The following CNTN4 variants were observed in gnomAD, a reference collection of about 807,000 sequenced individuals.
CNTN4 encodes contactin 4.
A neutral mutation model predicts 122.5 loss-of-function variants in CNTN4; 77 were observed. The observed-to-expected ratio is 0.63, with a 90% confidence interval of 0.52 to 0.76. The LOEUF is 0.76. CNTN4 is among the 30% of genes least tolerant of loss of function. The probability of loss-of-function intolerance (pLI) is 0.00; values close to 1 mark genes in which losing one functional copy is unlikely to be tolerated. For missense variants in CNTN4, 1,256 were observed against 1,259.1 expected, an observed-to-expected ratio of 1.00 and a Z score of 0.04; for synonymous variants, 512 against 447.0, an observed-to-expected ratio of 1.15 and a Z score of -1.83.
At chr3:2,924,840 C>T (rs1439176662) in intron 12 of CNTN4, among the ~76,000 whole-genome samples, 1 of 152,062 alleles carries the variant, frequency 6.6e-6, no homozygotes, top group Admixed American at 6.5e-5. Flanking sequence ...ACAATAGAGA[C>T]AGTTCAGCAT....
At chr3:2,196,284 GTGTT>G (rs1380482153) in intron 2 of CNTN4, among the ~76,000 whole-genome samples, 1 of 152,196 alleles carries the variant, frequency 6.6e-6, no homozygotes, top group Non-Finnish European at 1.5e-5. Context: ...TGGTGTGAGA[GTGTT>G]TGTTGACATG....
intron 4 of CNTN4, among the ~76,000 whole-genome samples, chr3:2,581,535 G>C (rs2079935937): frequency 6.6e-6 from 1 of 152,084 alleles, no homozygotes; most frequent in Admixed American, 6.6e-5. Context: ...CAAAGAATAA[G>C]GTAAATACTG....
chr3:2,666,026 G>A (rs1249203359), intron 4 of CNTN4, among the ~76,000 whole-genome samples: 1 of 152,182 alleles, frequency 6.6e-6, no homozygotes, highest in Non-Finnish European at 1.5e-5. Flanking sequence ...AATGGGCGAA[G>A]ATATCTGACC....
intron 3 of CNTN4, among the ~76,000 whole-genome samples, chr3:2,428,221 T>C (rs1018126666): frequency 6.6e-6 from 1 of 152,202 alleles, no homozygotes; most frequent in African/African-American, 2.4e-5. Context: ...GGTTGTTGCT[T>C]TCCATGTTTA....
chr3:2,627,558 A>C (rs989373121), intron 4 of CNTN4, among the ~76,000 whole-genome samples: 48 of 149,176 alleles, frequency 3.2e-4, no homozygotes, highest in Middle Eastern at 3.6e-3. Flanking sequence ...TAGTAGCGCA[A>C]TCTCGGCTCA....
chr3:2,296,233 A>T (rs1361678569), intron 2 of CNTN4, among the ~76,000 whole-genome samples: 2 of 152,138 alleles, frequency 1.3e-5, no homozygotes, highest in Non-Finnish European at 2.9e-5. Context: ...TGGTAGCTTG[A>T]TGGGGATGGC....
chr3:3,010,356 G>A (rs918455377), intron 14 of CNTN4, among the ~76,000 whole-genome samples: 1 of 151,764 alleles, frequency 6.6e-6, no homozygotes, highest in African/African-American at 2.4e-5. Context: ...TTTCCCCACT[G>A]CCAGTTTAGG....
At chr3:2,219,550 C>T (rs2038979150) in intron 2 of CNTN4, among the ~76,000 whole-genome samples, 1 of 152,174 alleles carries the variant, frequency 6.6e-6, no homozygotes. Flanking sequence ...GATTACCAAA[C>T]AACCTCTCCT....
chr3:2,994,594 C>CATATATATATATATATAT lies in CNTN4; in HGVS notation c.1486+6125_1486+6142dup, dbSNP rs35069373. On this transcript the variant is annotated intron_variant, in intron 14 of 24. Transcript: ENST00000418658. ...TTATGTTTAAATCAACAGATTTTTT[C>CATATATATATATATATAT]ATATATATATATATATATATGTGTG... Among the ~76,000 whole-genome samples the CATATATATATATATATAT allele has an allele frequency of 2.1e-3, 299 of 144,620 alleles. 2 individuals are homozygous for CATATATATATATATATAT. Among genetic ancestry groups the CATATATATATATATATAT allele is most frequent in the African/African-American group, 3.5e-3 (139 of 39,302 alleles). The allele number at this position is 144,620 out of a possible 152,430, so 94.9% of individuals were successfully genotyped here.
chr3:2,979,419 C>G (rs549733375), intron 13 of CNTN4, among the ~76,000 whole-genome samples: 1 of 152,248 alleles, frequency 6.6e-6, no homozygotes, highest in African/African-American at 2.4e-5. Context: ...AAAAATGGGG[C>G]TACTTGGTGA....
chr3:2,560,539 T>G (rs573080039), intron 3 of CNTN4, among the ~76,000 whole-genome samples: 17 of 152,336 alleles, frequency 1.1e-4, no homozygotes, highest in Middle Eastern at 3.4e-3. Flanking sequence ...ACCATTTTAC[T>G]TGTGTTATCT....
chr3:2,842,754 T>C (rs2093385865), intron 7 of CNTN4, among the ~76,000 whole-genome samples: 1 of 152,230 alleles, frequency 6.6e-6, no homozygotes, highest in Non-Finnish European at 1.5e-5. Flanking sequence ...AGCTGCTCTC[T>C]CTAAACTTCT....
chr3:2,137,995 C>A (rs1297846055), intron 2 of CNTN4, among the ~76,000 whole-genome samples: 1 of 152,018 alleles, frequency 6.6e-6, no homozygotes, highest in African/African-American at 2.4e-5. Context: ...TGCAAAGAGG[C>A]TGGGAAAGTA....
At chr3:2,885,372 T>G (rs2093960808) in intron 9 of CNTN4, among the ~76,000 whole-genome samples, 1 of 152,140 alleles carries the variant, frequency 6.6e-6, no homozygotes, top group Admixed American at 6.5e-5. Flanking sequence ...GATGGCATCT[T>G]TCTTTCTCTC....
At chr3:2,344,433 C>T (rs2044325747) in intron 3 of CNTN4, among the ~76,000 whole-genome samples, 1 of 152,108 alleles carries the variant, frequency 6.6e-6, no homozygotes, top group Non-Finnish European at 1.5e-5. Context: ...GCGTCTGCCA[C>T]CGCACCCAGC....
At chr3:2,590,216 A>T (rs1283229508) in intron 4 of CNTN4, among the ~76,000 whole-genome samples, 1 of 152,066 alleles carries the variant, frequency 6.6e-6, no homozygotes, top group East Asian at 1.9e-4. Flanking sequence ...ATCCCAAGTG[A>T]TCATTTGAAA....
At chr3:2,220,571 G>A (rs2039023046) in intron 2 of CNTN4, among the ~76,000 whole-genome samples, 1 of 152,042 alleles carries the variant, frequency 6.6e-6, no homozygotes, top group Non-Finnish European at 1.5e-5. Flanking sequence ...TCAGTTCTAT[G>A]TTACCTCCTT....
chr3:2,883,031 T>A (rs1487888343), intron 8 of CNTN4, 114 bp from the exon 9 acceptor site: 1 of 737,174 alleles, frequency 1.4e-6, no homozygotes, highest in South Asian at 1.5e-5. Flanking sequence ...AATGAAGGAA[T>A]TAATTGTGCA....
chr3:2,768,864 A>G (rs185237276), intron 6 of CNTN4, among the ~76,000 whole-genome samples: 2 of 152,256 alleles, frequency 1.3e-5, no homozygotes, highest in African/African-American at 4.8e-5. Context: ...CCCATCTTAC[A>G]CATGTAGAAT....
Sources: allele counts gnomAD v4.1 joint callset (sites outside exome capture counted in the v4.1 genomes callset), GRCh38; gene constraint gnomAD v4.1.1; transcripts MANE v1.5; gene names NCBI Gene and HGNC (gene_info 2026-07-23, HGNC 2026-07-21).